CLYBL: variants seen among roughly 807,000 people sequenced by gnomAD.
CLYBL encodes the protein citramalyl-CoA lyase, mitochondrial.
CLYBL carries 31 observed loss-of-function variants against 38.9 expected under a neutral mutation model. That is an observed-to-expected ratio of 0.80 (90% CI 0.60 to 1.08). The LOEUF is 1.08. Among genes scored for constraint, CLYBL ranks in the 50% least tolerant of loss-of-function variants. CLYBL has a pLI of 0.00. For missense variants in CLYBL, 434 were observed against 411.6 expected (o/e 1.05, Z -0.47); for synonymous variants, 171 against 158.6 (o/e 1.08, Z -0.59).
downstream of CLYBL, among the ~76,000 whole-genome samples, chr13:99,901,808 C>T (rs1046631140): frequency 5.3e-5 from 8 of 151,938 alleles, no homozygotes; most frequent in Non-Finnish European, 1.0e-4. Context: ...TACAAGCACA[C>T]GCCACCATGC....
chr13:99,775,974 T>C (rs58212269), intron 2 of CLYBL, among the ~76,000 whole-genome samples: 9 of 151,618 alleles, frequency 5.9e-5, no homozygotes, highest in East Asian at 2.0e-4. Context: ...CCATCCTGGC[T>C]AACATGGTGA....
At chr13:99,882,027 ATT>A (rs1399426474) in intron 7 of CLYBL, among the ~76,000 whole-genome samples, 2 of 152,176 alleles carry the variant, frequency 1.3e-5, no homozygotes, top group African/African-American at 4.8e-5. Context: ...ATCTGTATGT[ATT>A]TTTAGCCTCA....
chr13:99,864,242 C>T (rs1332783588), intron 4 of CLYBL, among the ~76,000 whole-genome samples: 2 of 152,214 alleles, frequency 1.3e-5, no homozygotes, highest in African/African-American at 2.4e-5. Flanking sequence ...ATATCTCCAC[C>T]TTTCAAGATT....
At chr13:99,790,003 A>C (rs1297438067) in intron 2 of CLYBL, among the ~76,000 whole-genome samples, 7 of 151,886 alleles carry the variant, frequency 4.6e-5, no homozygotes, top group Non-Finnish European at 1.5e-5. Flanking sequence ...TGTTTTATCA[A>C]AGACTAGGAT....
chr13:99,705,451 A>G (rs1472402531), intron 1 of CLYBL, among the ~76,000 whole-genome samples: 1 of 152,102 alleles, frequency 6.6e-6, no homozygotes. Context: ...GTGGTGGCAC[A>G]TGCCTGTCAT....
intron 6 of CLYBL, 127 bp from the exon 7 acceptor site, chr13:99,870,811 A>T: frequency 2.2e-6 from 2 of 913,786 alleles, no homozygotes; most frequent in South Asian, 2.0e-5. Flanking sequence ...TTTACTCAAT[A>T]AAAAGTTTTA....
chr13:99,866,284 CA>C lies in CLYBL; in HGVS notation c.683del (p.Lys228ArgfsTer5). On this transcript the variant is annotated frameshift_variant, in exon 6 of 9. Transcript: ENST00000339105. LOFTEE classifies it high-confidence loss of function. ...AACCCTGGATATTCTCTACGCCCGG[CA>C]AAAGATTGTTGTCATAGCGAAAGCC... ...KETLDILYAR[Q>X]KIVVIAKAFG... 6.2e-7 allele frequency: 1 copy of C among 1,613,954 alleles called. No homozygotes were observed. The highest frequency in any genetic ancestry group is 8.5e-7 in the Non-Finnish European group (1 of 1,179,994).
intron 1 of CLYBL, among the ~76,000 whole-genome samples, chr13:99,644,854 C>G (rs1275575346): frequency 6.6e-6 from 1 of 152,210 alleles, no homozygotes; most frequent in Non-Finnish European, 1.5e-5. Flanking sequence ...GGATCTCATT[C>G]TCTTTTATGA....
intron 1 of CLYBL, among the ~76,000 whole-genome samples, chr13:99,673,638 TGA>T (rs2047599934): frequency 6.6e-6 from 1 of 151,942 alleles, no homozygotes; most frequent in Non-Finnish European, 1.5e-5. Flanking sequence ...TGGTGTGAAG[TGA>T]GAGGGGTCCA....
At position 99,808,041 on chromosome 13, in the gene CLYBL, G is replaced by A. The variant is rs2050265832; in HGVS notation, c.249+35031G>A. ...GTTCCCTGTGGTCATGGCAACCTTGGGAAGGTTCAGGATCCTCTTGGTTTT... is the reference window on the plus strand; with the variant it reads ...GTTCCCTGTGGTCATGGCAACCTTGAGAAGGTTCAGGATCCTCTTGGTTTT... On this transcript the variant is annotated intron_variant, in intron 2 of 8. Coordinates refer to ENST00000339105, the MANE Select transcript of CLYBL (RefSeq NM_206808.5). 2.6e-5 allele frequency among the ~76,000 whole-genome samples: 4 copies of A among 152,158 alleles called. No homozygotes were observed. The South Asian group carries it at 8.3e-4, about 32-fold the overall frequency.
At chr13:99,638,799 C>G (rs974110384) in intron 1 of CLYBL, among the ~76,000 whole-genome samples, 4 of 152,178 alleles carry the variant, frequency 2.6e-5, no homozygotes, top group African/African-American at 9.7e-5. Flanking sequence ...AGGATTTGAA[C>G]CTGGGTAGTA....
At chr13:99,827,358 C>T (rs779360955) in intron 2 of CLYBL, among the ~76,000 whole-genome samples, 4 of 152,156 alleles carry the variant, frequency 2.6e-5, no homozygotes, top group Non-Finnish European at 4.4e-5. Context: ...ACTGAGCAGA[C>T]GTCCCTTAAT....
At chr13:99,713,062 G>A (rs561223261) in intron 1 of CLYBL, among the ~76,000 whole-genome samples, 16 of 152,200 alleles carry the variant, frequency 1.1e-4, no homozygotes, top group Middle Eastern at 3.4e-3. Flanking sequence ...AATGTTAAAG[G>A]CATTGCTCCC....
At chr13:99,716,169 AT>A (rs4001024) in intron 1 of CLYBL, among the ~76,000 whole-genome samples, 7 of 33,464 alleles carry the variant, frequency 2.1e-4, no homozygotes, top group African/African-American at 4.0e-4. Flanking sequence ...TATTGGTGTA[AT>A]TTTTTTTTTT....
chr13:99,837,639 A>G (rs1405059969), intron 2 of CLYBL, among the ~76,000 whole-genome samples: 1 of 152,244 alleles, frequency 6.6e-6, no homozygotes, highest in African/African-American at 2.4e-5. Context: ...GTGAGGATTC[A>G]TGGCACGTGC....
intron 7 of CLYBL, among the ~76,000 whole-genome samples, chr13:99,878,682 C>T (rs9557323): frequency 0.21 from 31,462 of 152,058 alleles, 4,032 homozygotes; most frequent in East Asian, 0.4. Flanking sequence ...GAAAATTAAG[C>T]ACAAAACCTA....
intron 6 of CLYBL, among the ~76,000 whole-genome samples, chr13:99,868,863 T>G (rs759167399): frequency 6.6e-6 from 1 of 152,210 alleles, no homozygotes; most frequent in Non-Finnish European, 1.5e-5. Flanking sequence ...TTCTTCTTTT[T>G]TGCAGTCTAT....
intron 1 of CLYBL, among the ~76,000 whole-genome samples, chr13:99,763,843 G>A (rs375739272): frequency 7.2e-5 from 11 of 152,112 alleles, no homozygotes; most frequent in African/African-American, 2.7e-4. Flanking sequence ...GTGAGCCACC[G>A]CACCCGGCCG....
intron 1 of CLYBL, among the ~76,000 whole-genome samples, chr13:99,676,972 T>TAA (rs35020187): frequency 5.5e-4 from 80 of 146,002 alleles, no homozygotes; most frequent in Middle Eastern, 3.6e-3. Flanking sequence ...GACTAGAGGT[T>TAA]AAAAAAAAAA....
Sources: allele counts gnomAD v4.1 joint callset (sites outside exome capture counted in the v4.1 genomes callset), GRCh38; gene constraint gnomAD v4.1.1; transcripts MANE v1.5; gene names NCBI Gene and HGNC (gene_info 2026-07-23, HGNC 2026-07-21).